Variants in FBXO8 observed in about 807,000 individuals in gnomAD.
The protein encoded by FBXO8 is F-box only protein 8.
A neutral mutation model predicts 33.4 loss-of-function variants in FBXO8; 15 were observed. The ratio of observed to expected loss-of-function variants is 0.45; its 90% CI spans 0.30 to 0.69. The LOEUF (loss-of-function observed/expected upper bound fraction) is 0.69, where lower values mean the gene tolerates loss of function less well. Among genes scored for constraint, FBXO8 ranks in the 30% least tolerant of loss-of-function variants. The pLI is 0.08. For missense variants in FBXO8, 274 were observed against 380.3 expected (o/e 0.72, Z 2.32); for synonymous variants, 132 against 131.5 (o/e 1.00, Z -0.02).
chr4:174,272,315 T>C lies in FBXO8; in HGVS notation c.-8-9215A>G, dbSNP rs1404593279. ...GTATAAAATGGCATAGTATACATCC[T>C]CCTGTATACTTTAAATCATCTCTAG... On this transcript the variant is annotated intron_variant, in intron 1 of 5. Coordinates refer to ENST00000393674, the MANE Select transcript of FBXO8 (RefSeq NM_012180.3). This position sits in a 1 kb window ranked among gnomAD's most constrained non-coding sequence, Gnocchi z 4.7. 6.6e-6 allele frequency among the ~76,000 whole-genome samples: 1 copy of C among 152,234 alleles called. No individual in the cohort carries two copies. The highest frequency in any genetic ancestry group is 1.5e-5 in the Non-Finnish European group (1 of 68,040).
chr4:174,276,321 T>G (rs1028467612), intron 1 of FBXO8, among the ~76,000 whole-genome samples: 7 of 152,108 alleles, frequency 4.6e-5, no homozygotes, highest in Non-Finnish European at 1.0e-4. Context: ...CACTGCAACC[T>G]CTGCCTCCTG....
In FBXO8 at chr4:174,265,596, A is replaced by C. The variant is rs1400450540; in HGVS notation, c.-8-2496T>G. Among the ~76,000 whole-genome samples the C allele has an allele frequency of 1.3e-5, 2 of 152,164 alleles. No individual in the cohort carries two copies. The highest frequency in any genetic ancestry group is 4.8e-5 in the African/African-American group (2 of 41,460). Reference sequence around the variant, plus strand: ...GCCTATTATTAATGTTAAGTAAAAGAAGCAAATCTAAAAAAGTTCTTTACT... The same window carrying C: ...GCCTATTATTAATGTTAAGTAAAAGCAGCAAATCTAAAAAAGTTCTTTACT... On this transcript the variant is annotated intron_variant, in intron 1 of 5. Transcript: ENST00000393674. This position sits in a 1 kb window ranked among gnomAD's most constrained non-coding sequence, Gnocchi z 4.7.
chr4:174,275,863 TA>T lies in FBXO8; in HGVS notation c.-9+7546del, dbSNP rs1034621411. On this transcript the variant is annotated intron_variant, in intron 1 of 5. Coordinates refer to ENST00000393674, the MANE Select transcript of FBXO8 (RefSeq NM_012180.3). The surrounding 1 kb of genome is among the most constrained non-coding windows in gnomAD (Gnocchi z 4.4). ...TACAAATCCTTATAGACACAAATCC[TA>T]AATGATGTTTTGACCACTTACATAG... Among the ~76,000 whole-genome samples the T allele has an allele frequency of 2.0e-5, 3 of 152,156 alleles. No individual in the cohort carries two copies. The highest frequency in any genetic ancestry group is 4.4e-5 in the Non-Finnish European group (3 of 68,014).
chr4:174,246,284 G>A (rs1450303325), intron 3 of FBXO8, among the ~76,000 whole-genome samples: 1 of 151,998 alleles, frequency 6.6e-6, no homozygotes, highest in Non-Finnish European at 1.5e-5. Flanking sequence ...ATCTTCCTGA[G>A]CCTCAGTTTC....
rs943200686 is a variant in FBXO8, at chr4:174,267,432, A to G, written c.-8-4332T>C. ...TGCGATGGTGCATACCTGTAGTCCT[A>G]TCCACTCAGGAGTCTGAGGCAGGAA... On this transcript the variant is annotated intron_variant, in intron 1 of 5. Coordinates refer to ENST00000393674, the MANE Select transcript of FBXO8 (RefSeq NM_012180.3). This position sits in a 1 kb window ranked among gnomAD's most constrained non-coding sequence, Gnocchi z 4.7. Among the ~76,000 whole-genome samples the G allele has an allele frequency of 2.0e-5, 3 of 152,280 alleles. No individual in the cohort carries two copies. The highest frequency in any genetic ancestry group is 4.4e-5 in the Non-Finnish European group (3 of 68,010).
Position 174,270,495 on chromosome 4 carries a change from T to C in FBXO8, c.-8-7395A>G, listed in dbSNP as rs1736813393. 6.6e-6 allele frequency among the ~76,000 whole-genome samples: 1 copy of C among 152,178 alleles called. No individual in the cohort carries two copies. Among genetic ancestry groups the C allele is most frequent in the African/African-American group, 2.4e-5 (1 of 41,434 alleles). On this transcript the variant is annotated intron_variant, in intron 1 of 5. Coordinates refer to ENST00000393674, the MANE Select transcript of FBXO8 (RefSeq NM_012180.3). This position sits in a 1 kb window ranked among gnomAD's most constrained non-coding sequence, Gnocchi z 4.6. ...CTGCTAACATTTCAGTAAAGTTATA[T>C]CTAGGATTACTAAACATATATGGTG...
At position 174,278,556 on chromosome 4, in the gene FBXO8, T is replaced by A. The variant is rs889660242; in HGVS notation, c.-9+4854A>T. ...TGTCCAACTATTTGAAACTTTAAAA[T>A]AAATGTATCATACTTCTCACTAGCA... On this transcript the variant is annotated intron_variant, in intron 1 of 5. Transcript: ENST00000393674. The surrounding 1 kb of genome is among the most constrained non-coding windows in gnomAD (Gnocchi z 4.1). Among the ~76,000 whole-genome samples the A allele has an allele frequency of 6.6e-6, 1 of 152,112 alleles. No individual in the cohort carries two copies. The highest frequency in any genetic ancestry group is 1.5e-5 in the Non-Finnish European group (1 of 67,950).
rs537147521 is a variant in FBXO8, at chr4:174,278,178, G to C, written c.-9+5232C>G. Among the ~76,000 whole-genome samples the C allele has an allele frequency of 2.6e-5, 4 of 152,126 alleles. No homozygotes were observed. In the South Asian group the frequency reaches 8.3e-4, roughly 32 times the overall value. On this transcript the variant is annotated intron_variant, in intron 1 of 5. Coordinates refer to ENST00000393674, the MANE Select transcript of FBXO8 (RefSeq NM_012180.3). This position sits in a 1 kb window ranked among gnomAD's most constrained non-coding sequence, Gnocchi z 4.1. ...TAAAGGAAGGGTAAGTCCACAAGGAGGTCTTTCTAAGGAGAAAAGGGAAAT... is the reference window on the plus strand; with the variant it reads ...TAAAGGAAGGGTAAGTCCACAAGGACGTCTTTCTAAGGAGAAAAGGGAAAT...
rs956122413 is a variant in FBXO8, at chr4:174,237,805, A to T, written c.773-206T>A. Among the ~76,000 whole-genome samples the T allele has an allele frequency of 7.9e-5, 12 of 152,124 alleles. No homozygotes were observed. Among genetic ancestry groups the T allele is most frequent in the Admixed American group, 6.6e-5 (1 of 15,266 alleles). On this transcript the variant is annotated intron_variant, in intron 5 of 5. Coordinates refer to ENST00000393674, the MANE Select transcript of FBXO8 (RefSeq NM_012180.3). This position sits in a 1 kb window ranked among gnomAD's most constrained non-coding sequence, Gnocchi z 4.4. ...ATCCTGGGAAACTCAATCCTGAGCA[A>T]ACCAGGATGGTTATCATCCTATCTT... is the stretch of plus-strand genomic sequence containing the variant.
intron 1 of FBXO8, among the ~76,000 whole-genome samples, chr4:174,266,248 A>AAAT (rs1014126446): frequency 7.2e-5 from 11 of 152,128 alleles, no homozygotes; most frequent in South Asian, 2.1e-4. Context: ...GTTCTTTAAA[A>AAAT]AATAATAATA....
At position 174,262,060 on chromosome 4, in the gene FBXO8, A is replaced by C. The variant is rs1425118386; in HGVS notation, c.329+704T>G. On this transcript the variant is annotated intron_variant, in intron 2 of 5. Coordinates refer to ENST00000393674, the MANE Select transcript of FBXO8 (RefSeq NM_012180.3). This position sits in a 1 kb window ranked among gnomAD's most constrained non-coding sequence, Gnocchi z 4.6. ...CTATTTAAGGAGTAACTTAGGTTCA[A>C]TAAAACAGATTCTATTCCAGCAAAT... Among the ~76,000 whole-genome samples the C allele has an allele frequency of 6.6e-6, 1 of 152,136 alleles. No individual in the cohort carries two copies. The highest frequency in any genetic ancestry group is 1.5e-5 in the Non-Finnish European group (1 of 67,984).
Position 174,253,273 on chromosome 4 carries a change from C to A in FBXO8, c.456+6426G>T, listed in dbSNP as rs1736338620. On this transcript the variant is annotated intron_variant, in intron 3 of 5. Coordinates refer to ENST00000393674, the MANE Select transcript of FBXO8 (RefSeq NM_012180.3). This position sits in a 1 kb window ranked among gnomAD's most constrained non-coding sequence, Gnocchi z 4.5. The stretch of plus-strand genomic sequence containing the variant: ...GCCACTAGAAGGAACCCCAAGACAT[C>A]TCTTGAGTTCCACCTATATCCTTTT... Among the ~76,000 whole-genome samples the A allele has an allele frequency of 6.6e-6, 1 of 152,202 alleles. No individual in the cohort carries two copies. The highest frequency in any genetic ancestry group is 1.5e-5 in the Non-Finnish European group (1 of 68,036).
At chr4:174,242,354 T>C (rs1007101688) in intron 3 of FBXO8, among the ~76,000 whole-genome samples, 2 of 151,578 alleles carry the variant, frequency 1.3e-5, no homozygotes, top group East Asian at 1.9e-4. Flanking sequence ...AAAACTTTTA[T>C]GGTAAAAATT....
In FBXO8 at chr4:174,256,914, G is replaced by GT. The variant is rs1026653956; in HGVS notation, c.456+2784dup. Among the ~76,000 whole-genome samples the GT allele has an allele frequency of 1.3e-5, 2 of 150,268 alleles. No homozygotes were observed. The highest frequency in any genetic ancestry group is 3.9e-4 in the East Asian group (2 of 5,146). On this transcript the variant is annotated intron_variant, in intron 3 of 5. Coordinates refer to ENST00000393674, the MANE Select transcript of FBXO8 (RefSeq NM_012180.3). The surrounding 1 kb of genome is among the most constrained non-coding windows in gnomAD (Gnocchi z 4.6). ...GAGTATCTTTAAATCAGGCCAGGGA[G>GT]TAAAAAAAAAAGAAAATACAGCCAA...
chr4:174,240,243 C>G (rs930735564), intron 4 of FBXO8, among the ~76,000 whole-genome samples: 1 of 151,628 alleles, frequency 6.6e-6, no homozygotes, highest in Non-Finnish European at 1.5e-5. Context: ...ATGATGCGAT[C>G]TTTACATCTT....
In FBXO8 at chr4:174,267,195, C is replaced by T. The variant is rs149810912; in HGVS notation, c.-8-4095G>A. ...ACAGAAAATTTTAAAACTCAGCATG[C>T]CTGAGGATGGTGCCAATAGCAGTTC... On this transcript the variant is annotated intron_variant, in intron 1 of 5. Transcript: ENST00000393674. This position sits in a 1 kb window ranked among gnomAD's most constrained non-coding sequence, Gnocchi z 4.7. Among the ~76,000 whole-genome samples the T allele has an allele frequency of 3.9e-5, 6 of 152,216 alleles. No individual in the cohort carries two copies. The East Asian group carries it at 1.2e-3, about 29-fold the overall frequency.
In FBXO8 at chr4:174,237,450, A is replaced by C; in HGVS notation, c.922T>G (p.Tyr308Asp). Residue 308 changes from tyrosine (Y) to aspartate (D), a missense_variant, in exon 6 of 6, where the codon TAT (tyrosine) becomes GAT (aspartate). Physicochemically the swap from Tyr to Asp is radical, Grantham distance 160. Transcript: ENST00000393674. This position sits in a 1 kb window ranked among gnomAD's most constrained non-coding sequence, Gnocchi z 4.4. The part of the protein sequence containing the change: ...NISEDFVGHL[Y>D]DNIYLIGHVA... Reference sequence around the variant, plus strand: ...TGGCCAATAAGGTAGATATTGTCATAAAGATGCCCTACAAAATCTTCACTA... The same window carrying C: ...TGGCCAATAAGGTAGATATTGTCATCAAGATGCCCTACAAAATCTTCACTA... The C allele has an allele frequency of 6.2e-7, 1 of 1,613,730 alleles. No homozygotes were observed. The highest frequency in any genetic ancestry group is 1.1e-5 in the South Asian group (1 of 91,058).
At position 174,263,227 on chromosome 4, in the gene FBXO8, A is replaced by T. The variant is rs547465474; in HGVS notation, c.-8-127T>A. 1 of 816,644 alleles carries T rather than the reference A, an allele frequency of 1.2e-6. No homozygotes were observed. The highest frequency in any genetic ancestry group is 1.9e-6 in the Non-Finnish European group (1 of 532,420). The allele number at this position is 816,644 out of a possible 1,614,324, so 50.6% of individuals were successfully genotyped here. A position where few individuals can be genotyped will look rare whatever the true frequency, so the allele number is the denominator to read the frequency against. On this transcript the variant is annotated intron_variant, in intron 1 of 5. Transcript: ENST00000393674. The surrounding 1 kb of genome is among the most constrained non-coding windows in gnomAD (Gnocchi z 4.2). ...AAAACTTCTCATTAAAACCTACTAA[A>T]ACCAGAAGTATATTACTAAGAATAG...
intron 1 of FBXO8, among the ~76,000 whole-genome samples, chr4:174,282,424 A>T (rs940423753): frequency 2.0e-5 from 3 of 152,234 alleles, no homozygotes; most frequent in African/African-American, 7.2e-5. Flanking sequence ...CCAGCAATAG[A>T]CAACTAATGA....
Sources: allele counts gnomAD v4.1 joint callset (sites outside exome capture counted in the v4.1 genomes callset), GRCh38; gene constraint gnomAD v4.1.1; non-coding constraint Gnocchi (gnomAD v3.1); transcripts MANE v1.5; gene names NCBI Gene and HGNC (gene_info 2026-07-23, HGNC 2026-07-21).